HDAC4: variants seen among roughly 807,000 people sequenced by gnomAD.
HDAC4 encodes the protein histone deacetylase 4.
In HDAC4, 16 loss-of-function variants were observed where a neutral mutation model predicts 135.1. That is an observed-to-expected ratio of 0.12 (90% confidence interval 0.08 to 0.18). The LOEUF (loss-of-function observed/expected upper bound fraction) is 0.18. HDAC4 is among the 10% of genes least tolerant of loss of function. The probability of loss-of-function intolerance (pLI) is 1.00; values close to 1 mark genes in which losing one functional copy is unlikely to be tolerated. For missense variants in HDAC4, 1,143 were observed against 1,511.8 expected, an observed-to-expected ratio of 0.76 and a Z score of 4.05; for synonymous variants, 685 against 653.4, an observed-to-expected ratio of 1.05 and a Z score of -0.74.
intron 2 of HDAC4, among the ~76,000 whole-genome samples, chr2:239,312,362 C>A (rs2052922789): frequency 1.3e-5 from 2 of 152,212 alleles, no homozygotes; most frequent in African/African-American, 4.8e-5. Flanking sequence ...CTGCTGCCCA[C>A]CCCCAACTGC....
chr2:239,086,582 G>A (rs892335579), intron 19 of HDAC4, among the ~76,000 whole-genome samples: 1 of 152,190 alleles, frequency 6.6e-6, no homozygotes, highest in Non-Finnish European at 1.5e-5. Context: ...GCTCTAACAC[G>A]CGGATCTGAC....
At chr2:239,222,371 T>C (rs1483011786) in intron 3 of HDAC4, among the ~76,000 whole-genome samples, 3 of 152,322 alleles carry the variant, frequency 2.0e-5, no homozygotes, top group African/African-American at 7.2e-5. Flanking sequence ...TAATTTGTTC[T>C]ATATCCCCAG....
intron 19 of HDAC4, chr2:239,086,068 G>A (rs531374896): frequency 6.8e-5 from 1 of 14,660 alleles, no homozygotes; most frequent in Non-Finnish European, 1.3e-4. Flanking sequence ...TCTAACACGC[G>A]GATCTGACTA....
chr2:239,395,707 C>G (rs954204230), intron 1 of HDAC4, among the ~76,000 whole-genome samples: 2 of 152,168 alleles, frequency 1.3e-5, no homozygotes, highest in Non-Finnish European at 2.9e-5. Context: ...GCCTTTCCCT[C>G]TTACACTGCA....
At chr2:239,088,376 A>G (rs1488261815) in intron 18 of HDAC4, among the ~76,000 whole-genome samples, 6 of 152,224 alleles carry the variant, frequency 3.9e-5, no homozygotes, top group Non-Finnish European at 2.9e-5. Flanking sequence ...CGCAGGGACC[A>G]GGCTCAGGAA....
chr2:239,063,352 C>A (rs2033048525), intron 24 of HDAC4, among the ~76,000 whole-genome samples: 1 of 152,154 alleles, frequency 6.6e-6, no homozygotes, highest in Non-Finnish European at 1.5e-5. Context: ...AGGCGCCCGC[C>A]ACTGCCCCCG....
chr2:239,212,368 C>G (rs1237697483), intron 3 of HDAC4, among the ~76,000 whole-genome samples: 1 of 152,040 alleles, frequency 6.6e-6, no homozygotes, highest in Non-Finnish European at 1.5e-5. Flanking sequence ...ACTCCCTCAA[C>G]CCCATTCTAA....
intron 9 of HDAC4, among the ~76,000 whole-genome samples, chr2:239,136,780 G>C (rs1350615530): frequency 2.6e-5 from 4 of 152,208 alleles, no homozygotes; most frequent in African/African-American, 9.7e-5. Flanking sequence ...GGGATAGGAA[G>C]AAACGCTTCT....
chr2:239,050,829 A>G lies in HDAC4; in HGVS notation c.*2268T>C, dbSNP rs2030737343. On this transcript the variant is annotated 3_prime_UTR_variant, in exon 27 of 27. Transcript: ENST00000543185. ...AAACGTGACTGTCAGTTACTGTTGA[A>G]GAGAAAAAGAGTAAAGACTGGCTGT... is the stretch of plus-strand genomic sequence containing the variant. The G allele has an allele frequency of 6.6e-6, 1 of 152,584 alleles. No individual in the cohort carries two copies. Among genetic ancestry groups the G allele is most frequent in the African/African-American group, 2.4e-5 (1 of 41,438 alleles). 9.5% of individuals were successfully genotyped at this position (152,584 alleles called of 1,614,324 possible). A position where few individuals can be genotyped will look rare whatever the true frequency, so the allele number is the denominator to read the frequency against.
intron 24 of HDAC4, among the ~76,000 whole-genome samples, chr2:239,058,788 C>T (rs1346264120): frequency 6.6e-6 from 1 of 152,184 alleles, no homozygotes; most frequent in Admixed American, 6.5e-5. Flanking sequence ...GGAGACTTTG[C>T]CATGTCTTTC....
intron 3 of HDAC4, among the ~76,000 whole-genome samples, chr2:239,195,670 C>T (rs527966639): frequency 1.3e-5 from 2 of 152,342 alleles, no homozygotes; most frequent in South Asian, 2.1e-4. Context: ...ACCTTCTCTC[C>T]TTAAAGAATG....
intron 5 of HDAC4, among the ~76,000 whole-genome samples, chr2:239,169,544 G>A (rs991793879): frequency 6.6e-6 from 1 of 152,234 alleles, no homozygotes; most frequent in African/African-American, 2.4e-5. Flanking sequence ...TTCCTCACAC[G>A]TGAAGCCAGA....
chr2:239,134,175 G>A (rs1389238069), intron 11 of HDAC4, 70 bp downstream of exon 11: 8 of 1,296,246 alleles, frequency 6.2e-6, no homozygotes, highest in South Asian at 2.4e-5. Context: ...AAAGGCAGGC[G>A]AAGGCGGGGC....
intron 6 of HDAC4, among the ~76,000 whole-genome samples, chr2:239,157,848 CAT>C (rs1045648045): frequency 5.3e-5 from 8 of 152,140 alleles, no homozygotes; most frequent in Non-Finnish European, 1.0e-4. Flanking sequence ...GAAGGGAACT[CAT>C]AGACAAAATT....
intron 8 of HDAC4, among the ~76,000 whole-genome samples, chr2:239,143,294 C>T (rs565128532): frequency 4.5e-4 from 69 of 152,202 alleles, no homozygotes; most frequent in Non-Finnish European, 4.6e-4. Flanking sequence ...CAAAGGTTCA[C>T]GTGTCCATTA....
intron 9 of HDAC4, among the ~76,000 whole-genome samples, chr2:239,135,426 G>T (rs1238735473): frequency 6.6e-6 from 1 of 152,184 alleles, no homozygotes; most frequent in Non-Finnish European, 1.5e-5. Context: ...TCAGGAAGGG[G>T]AAGGCGCTCA....
At chr2:239,170,161 A>G (rs557744383) in intron 5 of HDAC4, among the ~76,000 whole-genome samples, 1 of 152,374 alleles carries the variant, frequency 6.6e-6, no homozygotes, top group East Asian at 1.9e-4. Context: ...GAATAAACTA[A>G]AAACTCAGAG....
rs1032800218 is a variant in HDAC4, at chr2:239,139,383, C to T, written c.978+301G>A. ...AGCACCTGCCATGCGTGGGCTTGTGCTGGGACACCATCTAGTGACATCTGC... is the reference window on the plus strand; with the variant it reads ...AGCACCTGCCATGCGTGGGCTTGTGTTGGGACACCATCTAGTGACATCTGC... On this transcript the variant is annotated intron_variant, in intron 9 of 26. Transcript: ENST00000543185. The surrounding 1 kb of genome is among the most constrained non-coding windows in gnomAD (Gnocchi z 5.3). 2.6e-5 allele frequency among the ~76,000 whole-genome samples: 4 copies of T among 152,162 alleles called. No homozygotes were observed. Among genetic ancestry groups the T allele is most frequent in the Admixed American group, 2.6e-4 (4 of 15,276 alleles).
At chr2:239,109,021 C>G (rs1234434723) in intron 14 of HDAC4, among the ~76,000 whole-genome samples, 1 of 152,226 alleles carries the variant, frequency 6.6e-6, no homozygotes, top group Non-Finnish European at 1.5e-5. Context: ...AGTATCTGAC[C>G]TGTCTGCAGA....
Sources: gnomAD v4.1 joint callset for allele counts (sites outside exome capture counted in the v4.1 genomes callset) on GRCh38, gnomAD v4.1.1 for gene constraint, Gnocchi (gnomAD v3.1) non-coding constraint, MANE v1.5 for transcripts, NCBI Gene and HGNC (gene_info 2026-07-23, HGNC 2026-07-21) for gene names.